The following COL24A1 variants were observed in gnomAD, a reference collection of about 807,000 sequenced individuals.
COL24A1 encodes collagen type XXIV alpha 1 chain, also known as collagen alpha-1(XXIV) chain.
A neutral mutation model predicts 253.9 loss-of-function variants in COL24A1; 224 were observed. The observed-to-expected ratio is 0.88, with a 90% CI of 0.79 to 0.99. The LOEUF (loss-of-function observed/expected upper bound fraction) is 0.99. Ranked by LOEUF, COL24A1 falls within the 50% of genes least tolerant of loss-of-function variation. COL24A1 has a pLI of 0.00. For missense variants in COL24A1, 2,131 were observed against 2,068.5 expected (o/e 1.03, Z -0.59); for synonymous variants, 685 against 673.7 (o/e 1.02, Z -0.26).
chr1:85,976,519 C>A (rs1692699000), intron 20 of COL24A1, among the ~76,000 whole-genome samples: 1 of 152,104 alleles, frequency 6.6e-6, no homozygotes, highest in Non-Finnish European at 1.5e-5. Context: ...CTGGCGTAAC[C>A]CTGCTCCCAC....
chr1:85,777,551 T>A, intron 52 of COL24A1, among the ~76,000 whole-genome samples: 1 of 152,232 alleles, frequency 6.6e-6, no homozygotes, highest in South Asian at 2.1e-4. Context: ...TATAACTTAC[T>A]CAATCATTCC....
At chr1:85,996,442 G>A (rs1426564941) in intron 19 of COL24A1, among the ~76,000 whole-genome samples, 1 of 115,502 alleles carries the variant, frequency 8.7e-6, no homozygotes, top group East Asian at 3.0e-4. Flanking sequence ...TTGGGAGGCC[G>A]AGGCGGGTGG....
intron 6 of COL24A1, among the ~76,000 whole-genome samples, chr1:86,090,887 T>C (rs973660101): frequency 6.6e-6 from 1 of 152,128 alleles, no homozygotes; most frequent in African/African-American, 2.4e-5. Context: ...AATTCCCATA[T>C]TGAATCACCC....
chr1:85,874,098 G>A (rs1450196982), intron 35 of COL24A1, among the ~76,000 whole-genome samples: 1 of 152,100 alleles, frequency 6.6e-6, no homozygotes, highest in African/African-American at 2.4e-5. Flanking sequence ...ATAAATGTCT[G>A]TTAAAATTAT....
chr1:85,947,611 T>C (rs1689455550), intron 24 of COL24A1, among the ~76,000 whole-genome samples: 1 of 152,132 alleles, frequency 6.6e-6, no homozygotes, highest in Non-Finnish European at 1.5e-5. Flanking sequence ...ATAATTCTGT[T>C]ATGGGCAACA....
Position 86,119,083 on chromosome 1 carries a change from T to C in COL24A1, c.1492-3705A>G, listed in dbSNP as rs144199288. Among the ~76,000 whole-genome samples the C allele has an allele frequency of 3.3e-5, 5 of 152,230 alleles. No homozygotes were observed. The East Asian group carries it at 9.7e-4, about 29-fold the overall frequency. The stretch of plus-strand genomic sequence containing the variant: ...CTTTTTAAAAGAACACTAGAGAATT[T>C]TGGTAAAAGATGTCAGAGTGAGAAC... On this transcript the variant is annotated intron_variant, in intron 3 of 59. Coordinates refer to ENST00000370571, the MANE Select transcript of COL24A1 (RefSeq NM_152890.7).
rs1700404411 is a variant in COL24A1 at position 86,052,756 on chromosome 1, T to C, written c.1852-2579A>G. ...AATTTTATGTTATATATATTTTATG[T>C]TCTTTATTTTAAAAAGAAAGAGATA... On this transcript the variant is annotated intron_variant, in intron 10 of 59. Transcript: ENST00000370571. Among the ~76,000 whole-genome samples, 8 of 152,224 alleles carry C rather than the reference T, an allele frequency of 5.3e-5. No individual in the cohort carries two copies. The South Asian group carries it at 1.7e-3, about 32-fold the overall frequency.
At chr1:86,060,501 C>A (rs1701006408) in intron 8 of COL24A1, among the ~76,000 whole-genome samples, 2 of 152,108 alleles carry the variant, frequency 1.3e-5, no homozygotes, top group African/African-American at 4.8e-5. Context: ...TTTGGAAAAT[C>A]TAGAGAAAGA....
rs551588525 is a variant in COL24A1, at chr1:85,886,415, C to A, written c.2976+3145G>T. On this transcript the variant is annotated intron_variant, in intron 32 of 59. Transcript: ENST00000370571. ...ATGTGGTGGCTCACACCTGTAATCC[C>A]AGCACTTTGGGAGGCAGAGGCGGGT... 3.3e-5 allele frequency among the ~76,000 whole-genome samples: 5 copies of A among 151,802 alleles called. No homozygotes were observed. In the East Asian group the frequency reaches 9.9e-4, roughly 30 times the overall value.
chr1:86,140,499 T>C (rs1003118497), intron 2 of COL24A1, among the ~76,000 whole-genome samples: 1 of 152,242 alleles, frequency 6.6e-6, no homozygotes, highest in Non-Finnish European at 1.5e-5. Flanking sequence ...AAGAAAGGAC[T>C]TGAAGTTACT....
chr1:85,754,714 G>GA (rs1310909679), intron 55 of COL24A1, among the ~76,000 whole-genome samples: 2 of 152,050 alleles, frequency 1.3e-5, no homozygotes, highest in Non-Finnish European at 2.9e-5. Context: ...CTCTACAGTA[G>GA]ATTTCCATAG....
At chr1:86,029,150 G>GAAA (rs5775883) in intron 14 of COL24A1, among the ~76,000 whole-genome samples, 12,958 of 148,540 alleles carry the variant, frequency 0.087, 686 homozygotes, top group Middle Eastern at 0.19. Flanking sequence ...AAGTTCTCAG[G>GAAA]AAAAAAAAAA....
chr1:86,086,610 A>G (rs750795575), intron 7 of COL24A1, among the ~76,000 whole-genome samples: 3 of 152,152 alleles, frequency 2.0e-5, no homozygotes, highest in African/African-American at 2.4e-5. Context: ...TACTCCATAA[A>G]ATTAGAAGAG....
chr1:85,845,816 A>T (rs1056921655), intron 39 of COL24A1, among the ~76,000 whole-genome samples: 6 of 151,930 alleles, frequency 3.9e-5, no homozygotes, highest in African/African-American at 1.4e-4. Context: ...GAGATAAGGG[A>T]AATATTTTAT....
chr1:85,838,503 C>A, intron 43 of COL24A1, 82 bp downstream of exon 43: 1 of 1,237,088 alleles, frequency 8.1e-7, no homozygotes, highest in South Asian at 1.2e-5. Context: ...CTAATTATCT[C>A]AATAATGGAA....
chr1:86,009,208 C>T (rs1255992194), intron 19 of COL24A1, among the ~76,000 whole-genome samples: 1 of 152,146 alleles, frequency 6.6e-6, no homozygotes, highest in African/African-American at 2.4e-5. Flanking sequence ...GACATCTCAA[C>T]ACACCATAAA....
chr1:86,053,166 A>G (rs1394545403), intron 10 of COL24A1, among the ~76,000 whole-genome samples: 1 of 152,102 alleles, frequency 6.6e-6, no homozygotes, highest in East Asian at 1.9e-4. Context: ...ACATTTTCAG[A>G]ATCATCTGTT....
At chr1:85,980,773 G>T (rs1285814315) in intron 20 of COL24A1, among the ~76,000 whole-genome samples, 1 of 152,122 alleles carries the variant, frequency 6.6e-6, no homozygotes, top group Non-Finnish European at 1.5e-5. Flanking sequence ...GCCAGGCATG[G>T]TGGTGGGCAC....
At chr1:85,971,495 T>C (rs1302887878) in intron 20 of COL24A1, 102 bp from the exon 21 acceptor site, 2 of 974,086 alleles carry the variant, frequency 2.1e-6, no homozygotes, top group Non-Finnish European at 3.1e-6. Flanking sequence ...TTGAAACCAT[T>C]CATTTCCCAT....
Sources: allele counts gnomAD v4.1 joint callset (sites outside exome capture counted in the v4.1 genomes callset), GRCh38; gene constraint gnomAD v4.1.1; transcripts MANE v1.5; gene names NCBI Gene and HGNC (gene_info 2026-07-23, HGNC 2026-07-21).